DEPTOR: variants seen among roughly 807,000 people sequenced by gnomAD.
DEPTOR encodes the protein DEP domain containing MTOR interacting protein.
DEPTOR carries 41 observed loss-of-function variants against 41.6 expected under a neutral mutation model. That is an observed-to-expected ratio of 0.98 (90% CI 0.77 to 1.28). DEPTOR has a LOEUF of 1.28. Among genes scored for constraint, DEPTOR ranks in the 50% most tolerant of loss-of-function variants. The probability of loss-of-function intolerance (pLI) is 0.00; values close to 1 mark genes in which losing one functional copy is unlikely to be tolerated. For missense variants in DEPTOR, 514 were observed against 527.9 expected, an observed-to-expected ratio of 0.97 and a Z score of 0.26; for synonymous variants, 195 against 192.3, an observed-to-expected ratio of 1.01 and a Z score of -0.12.
intron 3 of DEPTOR, among the ~76,000 whole-genome samples, chr8:119,934,463 A>G (rs1828084538): frequency 1.3e-5 from 2 of 152,202 alleles, no homozygotes; most frequent in African/African-American, 4.8e-5. Flanking sequence ...GGAGTCACAC[A>G]GCCTGGGTCT....
At chr8:120,020,311 C>T (rs528109545) in intron 8 of DEPTOR, among the ~76,000 whole-genome samples, 125 of 152,262 alleles carry the variant, frequency 8.2e-4, no homozygotes, top group African/African-American at 3.0e-3. Flanking sequence ...AAACTCCTGA[C>T]CTCAAGTGAT....
intron 8 of DEPTOR, among the ~76,000 whole-genome samples, chr8:120,041,782 C>T (rs1813076606): frequency 6.6e-6 from 1 of 152,154 alleles, no homozygotes. Flanking sequence ...AGGTGATCCA[C>T]CCACCTCGCC....
intron 1 of DEPTOR, among the ~76,000 whole-genome samples, chr8:119,883,576 C>T (rs1322348765): frequency 1.3e-5 from 2 of 151,860 alleles, no homozygotes; most frequent in Non-Finnish European, 2.9e-5. Context: ...ATGTCATGGC[C>T]TCTAGCTTGG....
intron 1 of DEPTOR, among the ~76,000 whole-genome samples, chr8:119,893,655 C>A (rs377484775): frequency 2.4e-4 from 36 of 152,214 alleles, no homozygotes; most frequent in African/African-American, 7.9e-4. Flanking sequence ...ATGGTGAAAC[C>A]CTGTCTTTAC....
chr8:119,945,090 G>T (rs1828254754), intron 3 of DEPTOR, among the ~76,000 whole-genome samples: 1 of 152,016 alleles, frequency 6.6e-6, no homozygotes, highest in Non-Finnish European at 1.5e-5. Flanking sequence ...CTGAGGTCAT[G>T]CACCTTGAGG....
chr8:119,989,360 C>G (rs1306533607), intron 4 of DEPTOR, among the ~76,000 whole-genome samples: 1 of 152,068 alleles, frequency 6.6e-6, no homozygotes, highest in African/African-American at 2.4e-5. Flanking sequence ...AACCTGGAAA[C>G]AGGAATAAAT....
intron 4 of DEPTOR, among the ~76,000 whole-genome samples, chr8:119,986,836 G>A (rs1302555175): frequency 6.6e-6 from 1 of 151,308 alleles, no homozygotes; most frequent in Non-Finnish European, 1.5e-5. Flanking sequence ...TGATACTTGT[G>A]TATGCTTCAC....
chr8:120,014,913 T>A (rs1271114900), intron 8 of DEPTOR, among the ~76,000 whole-genome samples: 2 of 151,796 alleles, frequency 1.3e-5, no homozygotes, highest in African/African-American at 4.8e-5. Flanking sequence ...ATAATCTTTT[T>A]TTTTTAATCA....
chr8:120,028,357 C>T (rs1812833276), intron 8 of DEPTOR, among the ~76,000 whole-genome samples: 2 of 151,522 alleles, frequency 1.3e-5, no homozygotes, highest in African/African-American at 4.9e-5. Flanking sequence ...TATTTCTTTG[C>T]ACAGTATCAT....
intron 1 of DEPTOR, among the ~76,000 whole-genome samples, chr8:119,904,475 A>T (rs1043336497): frequency 7.9e-5 from 12 of 151,894 alleles, no homozygotes; most frequent in African/African-American, 1.2e-4. Context: ...TACATTTTTT[A>T]AAAAATTAAC....
chr8:119,934,518 G>A (rs1828085165), intron 3 of DEPTOR, among the ~76,000 whole-genome samples: 1 of 152,096 alleles, frequency 6.6e-6, no homozygotes, highest in Non-Finnish European at 1.5e-5. Context: ...CCTTCAGCAG[G>A]CTGACTAAAT....
intron 1 of DEPTOR, among the ~76,000 whole-genome samples, chr8:119,880,191 A>G (rs911793574): frequency 4.4e-5 from 6 of 136,448 alleles, no homozygotes; most frequent in Admixed American, 7.0e-5. Flanking sequence ...TAAAATAAAG[A>G]AGCCCAACAA....
At position 119,950,156 on chromosome 8, in the gene DEPTOR, T is replaced by C. The variant is rs373814738; in HGVS notation, c.426-15076T>C. ...CGACCCTTTCCTCGTTATATGGCCT[T>C]GGCACCCTTGTTGAAATCAGTTGAC... On this transcript the variant is annotated intron_variant, in intron 3 of 8. Coordinates refer to ENST00000286234, the MANE Select transcript of DEPTOR (RefSeq NM_022783.4). Among the ~76,000 whole-genome samples the C allele has an allele frequency of 9.2e-4, 140 of 152,306 alleles. 1 individual carries two copies. Among genetic ancestry groups the C allele is most frequent in the African/African-American group, 3.3e-3 (137 of 41,570 alleles).
intron 4 of DEPTOR, among the ~76,000 whole-genome samples, chr8:119,977,045 G>A (rs1001896297): frequency 6.6e-5 from 10 of 152,084 alleles, no homozygotes. Flanking sequence ...CTGTTACCCA[G>A]GCTGGAGTGC....
chr8:119,970,883 C>CA (rs150305814), intron 4 of DEPTOR, among the ~76,000 whole-genome samples: 5,632 of 152,114 alleles, frequency 0.037, 111 homozygotes, highest in African/African-American at 0.062. Context: ...ATATCTCCAC[C>CA]GGGGAGCCCT....
intron 1 of DEPTOR, among the ~76,000 whole-genome samples, chr8:119,926,866 A>G (rs914770702): frequency 2.6e-5 from 4 of 152,338 alleles, no homozygotes; most frequent in African/African-American, 9.6e-5. Context: ...ATTAACATTC[A>G]TTCCCAATTA....
chr8:119,880,188 A>AAATAAAAT (rs1827282103), intron 1 of DEPTOR, among the ~76,000 whole-genome samples: 3 of 151,398 alleles, frequency 2.0e-5, no homozygotes, highest in African/African-American at 4.9e-5. Context: ...AAATAAAATA[A>AAATAAAAT]AGAAGCCCAA....
chr8:120,010,980 A>G (rs1259549019), intron 8 of DEPTOR, among the ~76,000 whole-genome samples: 1 of 152,224 alleles, frequency 6.6e-6, no homozygotes, highest in Admixed American at 6.5e-5. Context: ...ATCCAAAACC[A>G]TAAGAGGATG....
At position 120,049,790 on chromosome 8, in the gene DEPTOR, C is replaced by T. The variant is rs966062045; in HGVS notation, c.*86C>T. On this transcript the variant is annotated 3_prime_UTR_variant, in exon 9 of 9. Coordinates refer to ENST00000286234, the MANE Select transcript of DEPTOR (RefSeq NM_022783.4). ...GCAATGCAAAGACAAGATTGCCATG[C>T]AAATGGATGGTTTTGGACATACGAG... is the stretch of plus-strand genomic sequence containing the variant. 65 of 1,552,604 alleles carry T rather than the reference C, an allele frequency of 4.2e-5. No individual in the cohort carries two copies. Among genetic ancestry groups the T allele is most frequent in the Non-Finnish European group, 5.3e-5 (60 of 1,140,478 alleles).
Sources: allele counts gnomAD v4.1 joint callset (sites outside exome capture counted in the v4.1 genomes callset), GRCh38; gene constraint gnomAD v4.1.1; transcripts MANE v1.5; gene names NCBI Gene and HGNC (gene_info 2026-07-23, HGNC 2026-07-21).